NLN: variants seen among roughly 807,000 people sequenced by gnomAD.
NLN encodes the protein neurolysin, mitochondrial.
A neutral mutation model predicts 79.9 loss-of-function variants in NLN; 64 were observed. The observed-to-expected ratio is 0.80, with a 90% CI of 0.65 to 0.99. NLN has a LOEUF of 0.99. Ranked by LOEUF, NLN falls within the 50% of genes least tolerant of loss-of-function variation. The probability of loss-of-function intolerance (pLI) is 0.00; values close to 1 mark genes in which losing one functional copy is unlikely to be tolerated. For synonymous variants in NLN, 267 were observed against 296.6 expected (o/e 0.90, Z 1.02); for missense variants, 835 against 858.7 (o/e 0.97, Z 0.34).
At chr5:65,804,826 C>T (rs746553050) in intron 9 of NLN, among the ~76,000 whole-genome samples, 2 of 152,120 alleles carry the variant, frequency 1.3e-5, no homozygotes, top group Admixed American at 6.5e-5. Context: ...CTACCACACC[C>T]GGACAATTTT....
intron 1 of NLN, among the ~76,000 whole-genome samples, chr5:65,749,653 G>C (rs1405450237): frequency 6.6e-6 from 1 of 152,186 alleles, no homozygotes; most frequent in East Asian, 1.9e-4. Flanking sequence ...ACAGAGCAGA[G>C]AGAAAACAGT....
chr5:65,768,982 C>T (rs926891294), intron 3 of NLN, among the ~76,000 whole-genome samples: 1 of 152,250 alleles, frequency 6.6e-6, no homozygotes, highest in African/African-American at 2.4e-5. Context: ...AGAGCGTCTC[C>T]ATGTGGTTCA....
intron 1 of NLN, among the ~76,000 whole-genome samples, chr5:65,753,634 A>G (rs1478306818): frequency 6.6e-6 from 1 of 150,740 alleles, no homozygotes; most frequent in African/African-American, 2.4e-5. Flanking sequence ...TAGGGGATAG[A>G]GTGAGACTCT....
At chr5:65,788,571 C>T in intron 8 of NLN, 87 bp downstream of exon 8, 1 of 1,348,978 alleles carries the variant, frequency 7.4e-7, no homozygotes, top group Middle Eastern at 1.9e-4. Context: ...CACAGTGGCT[C>T]ATGCCTGTAA....
intron 1 of NLN, among the ~76,000 whole-genome samples, chr5:65,751,987 C>T (rs1759112601): frequency 6.6e-6 from 1 of 152,118 alleles, no homozygotes. Context: ...TGCTTGTCAT[C>T]CCAACACTTT....
intron 9 of NLN, chr5:65,792,923 A>G (rs1478710932): frequency 2.1e-6 from 1 of 485,348 alleles, no homozygotes; most frequent in South Asian, 1.7e-5. Context: ...AAGGTTACAA[A>G]TACTTTGCTT....
At chr5:65,781,234 G>T in intron 5 of NLN, 27 bp from the exon 6 acceptor site, 1 of 1,556,326 alleles carries the variant, frequency 6.4e-7, no homozygotes, top group South Asian at 1.1e-5. Flanking sequence ...TGGAAAATTT[G>T]ATATATGAGA....
In NLN at chr5:65,758,646, A is replaced by C. The variant is rs763035599; in HGVS notation, c.121A>C (p.Thr41Pro). The change falls in exon 2 of 13, where the codon ACT becomes CCT. Residue 41 changes from threonine to proline, a missense_variant. By Grantham distance (38) the Thr-to-Pro change is conservative (BLOSUM62 -1). Transcript: ENST00000380985. ...TCCTCTTCAGGCAATGTCTTCCTATACTGTGGCTGGCAGAAATGTTTTAAG... is the reference window on the plus strand; with the variant it reads ...TCCTCTTCAGGCAATGTCTTCCTATCCTGTGGCTGGCAGAAATGTTTTAAG... ...MSPLQAMSSYTVAGRNVLRWD... is the reference protein window; with the variant it reads ...MSPLQAMSSYPVAGRNVLRWD... 2 of 1,613,234 alleles carry C rather than the reference A, an allele frequency of 1.2e-6. No individual in the cohort carries two copies. The highest frequency in any genetic ancestry group is 1.7e-6 in the Non-Finnish European group (2 of 1,179,306).
chr5:65,738,791 C>T (rs1292632232), intron 1 of NLN, among the ~76,000 whole-genome samples: 4 of 150,260 alleles, frequency 2.7e-5, no homozygotes, highest in African/African-American at 9.8e-5. Context: ...GAGACTTGCT[C>T]TGTTGCCCAG....
intron 12 of NLN, among the ~76,000 whole-genome samples, chr5:65,819,489 CT>C (rs1760747485): frequency 6.6e-6 from 1 of 152,200 alleles, no homozygotes; most frequent in Non-Finnish European, 1.5e-5. Flanking sequence ...CCTGATCTTG[CT>C]TCAGAAATTG....
At chr5:65,724,307 T>C (rs1037582056) in intron 1 of NLN, among the ~76,000 whole-genome samples, 5 of 152,158 alleles carry the variant, frequency 3.3e-5, no homozygotes, top group Non-Finnish European at 7.4e-5. Flanking sequence ...TCTCTATGAA[T>C]TTGAGTATTT....
intron 1 of NLN, among the ~76,000 whole-genome samples, chr5:65,755,841 T>C (rs1759204934): frequency 6.6e-6 from 1 of 152,158 alleles, no homozygotes; most frequent in Admixed American, 6.5e-5. Context: ...GTGAAAAATG[T>C]ATCTATTCTG....
At chr5:65,733,708 A>G in intron 1 of NLN, 3 of 1,330,634 alleles carry the variant, frequency 2.3e-6, no homozygotes, top group Non-Finnish European at 3.1e-6. Context: ...CTTGGGCACT[A>G]AAATCTAGGA....
chr5:65,751,254 G>C (rs1034044805), intron 1 of NLN, among the ~76,000 whole-genome samples: 1 of 152,204 alleles, frequency 6.6e-6, no homozygotes, highest in Non-Finnish European at 1.5e-5. Context: ...AATGTAAATT[G>C]GTAGGAGGTA....
rs767903772 is a variant in NLN, at chr5:65,781,348, C to G, written c.749C>G (p.Pro250Arg). 1.2e-6 allele frequency: 2 copies of G among 1,603,340 alleles called. No individual in the cohort carries two copies. The highest frequency in any genetic ancestry group is 2.2e-5 in the South Asian group (2 of 90,862). The change falls in exon 6 of 13, where the codon CCT becomes CGT. Residue 250 changes from proline (P) to arginine (R), a missense_variant. By Grantham distance (103) the Pro-to-Arg change is moderately radical. Transcript: ENST00000380985. ...ACCTTAAAATATCCACACTATTTCC[C>G]TGTCATGAAGAAATGTTGTATCCCT... ...KITLKYPHYF[P>R]VMKKCCIPET...
At chr5:65,780,365 A>G (rs1759773128) in intron 5 of NLN, 84 bp downstream of exon 5, 1 of 586,262 alleles carries the variant, frequency 1.7e-6, no homozygotes. Flanking sequence ...TTCCAGATAC[A>G]AAATTTCTAA....
At chr5:65,795,006 G>A (rs962705590) in intron 9 of NLN, among the ~76,000 whole-genome samples, 5 of 152,018 alleles carry the variant, frequency 3.3e-5, no homozygotes, top group African/African-American at 4.8e-5. Flanking sequence ...TTAATCCAAG[G>A]AAAATAAATC....
rs1049702170 is a variant in NLN, at chr5:65,825,120, A to T, written c.*2205A>T. On this transcript the variant is annotated 3_prime_UTR_variant, in exon 13 of 13. Coordinates refer to ENST00000380985, the MANE Select transcript of NLN (RefSeq NM_020726.5). ...AGTCTCAAAAAAAATTAATACTCAAAGAATTATCTAGCATAATTTAAAAGA... is the reference window on the plus strand; with the variant it reads ...AGTCTCAAAAAAAATTAATACTCAATGAATTATCTAGCATAATTTAAAAGA... The T allele has an allele frequency of 1.3e-5, 2 of 149,692 alleles. No individual in the cohort carries two copies. 9.3% of individuals were successfully genotyped at this position (149,692 alleles called of 1,614,324 possible). A position where few individuals can be genotyped will look rare whatever the true frequency, so the allele number is the denominator to read the frequency against.
intron 1 of NLN, among the ~76,000 whole-genome samples, chr5:65,751,541 T>G (rs926472150): frequency 1.3e-5 from 2 of 152,134 alleles, no homozygotes; most frequent in Non-Finnish European, 2.9e-5. Flanking sequence ...ACAAACTAAT[T>G]GAATAGGTGA....
Sources: gnomAD v4.1 joint callset for allele counts (sites outside exome capture counted in the v4.1 genomes callset) on GRCh38, gnomAD v4.1.1 for gene constraint, MANE v1.5 for transcripts, NCBI Gene and HGNC (gene_info 2026-07-23, HGNC 2026-07-21) for gene names.